The following DMD variants were observed in gnomAD, a reference collection of about 807,000 sequenced individuals.
DMD encodes the protein dystrophin, also known as mutant dystrophin.
Under a neutral mutation model 330.1 loss-of-function variants are expected in DMD, and 63 were observed. That is an observed-to-expected ratio of 0.19 (90% CI 0.16 to 0.24). DMD has a LOEUF of 0.24. Ranked by LOEUF, DMD falls within the 10% of genes least tolerant of loss-of-function variation. The pLI is 1.00. For synonymous variants in DMD, 1,223 were observed against 959.8 expected (o/e 1.27, Z -5.07); for missense variants, 3,344 against 2,684.1 (o/e 1.25, Z -5.43).
At chrX:31,772,309 A>G in intron 51 of DMD, among the ~76,000 whole-genome samples, 1 of 112,160 alleles carries the variant, frequency 8.9e-6, no homozygotes, top group Non-Finnish European at 1.9e-5. Flanking sequence ...TCAGGTAGGC[A>G]GAATAACTTA....
chrX:33,176,320 T>G (rs2148718857), intron 1 of DMD, among the ~76,000 whole-genome samples: 1 of 110,977 alleles, frequency 9.0e-6, no homozygotes, highest in South Asian at 3.8e-4. Context: ...TGAACTAATT[T>G]AGGCTGTCAA....
intron 43 of DMD, among the ~76,000 whole-genome samples, chrX:32,221,643 G>C (rs1248457406): frequency 9.0e-6 from 1 of 111,309 alleles, no homozygotes; most frequent in Non-Finnish European, 1.9e-5. Context: ...AGATATTTTA[G>C]TGCACGTGTC....
chrX:31,178,891 T>C, intron 69 of DMD, 86 bp from the exon 70 acceptor site: 1 of 1,083,231 alleles, frequency 9.2e-7, no homozygotes, highest in Non-Finnish European at 1.3e-6. Flanking sequence ...CCCATGACAC[T>C]TGTTTTGTAA....
chrX:31,163,964 C>T (rs2039140646), intron 74 of DMD, among the ~76,000 whole-genome samples: 1 of 111,966 alleles, frequency 8.9e-6, no homozygotes, highest in Non-Finnish European at 1.9e-5. Flanking sequence ...ACACAAGAAA[C>T]CAAGAAAGAT....
intron 2 of DMD, among the ~76,000 whole-genome samples, chrX:33,009,283 TATGTGTGTATATGTGTATATACAC>T (rs750454934): frequency 0.068 from 3,996 of 59,116 alleles, 985 homozygotes; most frequent in Non-Finnish European, 0.11. Context: ...CACATATGTG[TATGTGTGTATATGTGTATATACAC>T]ATGTGTGTAT....
At chrX:32,051,677 T>A (rs1444783499) in intron 44 of DMD, among the ~76,000 whole-genome samples, 1 of 110,838 alleles carries the variant, frequency 9.0e-6, no homozygotes, top group Non-Finnish European at 1.9e-5. Context: ...AAAAGTGAAC[T>A]AAGATAACTA....
intron 16 of DMD, 77 bp downstream of exon 16, chrX:32,565,625 G>T: frequency 9.7e-7 from 1 of 1,027,923 alleles, no homozygotes; most frequent in Non-Finnish European, 1.4e-6. Flanking sequence ...CTTTTGTAGG[G>T]TTATAATGTC....
intron 44 of DMD, among the ~76,000 whole-genome samples, chrX:32,085,768 AT>A (rs1452433563): frequency 9.1e-6 from 1 of 109,349 alleles, no homozygotes; most frequent in African/African-American, 3.3e-5. Flanking sequence ...ATAAATCTCT[AT>A]ATTTATCAAA....
chrX:32,360,828 A>AATAAT (rs1330229041), intron 37 of DMD, among the ~76,000 whole-genome samples: 2 of 108,513 alleles, frequency 1.8e-5, no homozygotes. Context: ...TAATAATAAT[A>AATAAT]AATGAATATT....
At chrX:31,691,709 T>C (rs2083135747) in intron 52 of DMD, among the ~76,000 whole-genome samples, 1 of 112,151 alleles carries the variant, frequency 8.9e-6, no homozygotes, top group African/African-American at 3.2e-5. Context: ...CATCATTATA[T>C]ATTGATAAAG....
At chrX:32,574,747 T>C (rs949733820) in intron 13 of DMD, among the ~76,000 whole-genome samples, 1 of 111,544 alleles carries the variant, frequency 9.0e-6, no homozygotes, top group East Asian at 2.8e-4. Context: ...AAAATGTTTA[T>C]AACTCATATT....
At chrX:33,063,473 T>C (rs1307418372) in intron 1 of DMD, among the ~76,000 whole-genome samples, 2 of 111,705 alleles carry the variant, frequency 1.8e-5, no homozygotes, top group African/African-American at 6.5e-5. Flanking sequence ...ATAATTATAA[T>C]TTTTCCTAGA....
At chrX:31,576,456 G>T (rs2076103171) in intron 55 of DMD, among the ~76,000 whole-genome samples, 1 of 107,467 alleles carries the variant, frequency 9.3e-6, no homozygotes, top group African/African-American at 3.4e-5. Flanking sequence ...TTTAAAGACA[G>T]AAAGCATCTT....
intron 44 of DMD, among the ~76,000 whole-genome samples, chrX:32,173,377 A>T (rs1444441682): frequency 9.1e-6 from 1 of 110,264 alleles, no homozygotes; most frequent in Non-Finnish European, 1.9e-5. Context: ...TATTATTATG[A>T]TTATGATTAT....
At chrX:32,356,753 CATA>C (rs745870885) in intron 37 of DMD, among the ~76,000 whole-genome samples, 47 of 111,696 alleles carry the variant, frequency 4.2e-4, no homozygotes, top group Middle Eastern at 4.7e-3. Context: ...GTAGAAATTA[CATA>C]ATATTTTGTA....
chrX:33,228,698 A>T (rs1367469270), intron 1 of DMD, among the ~76,000 whole-genome samples: 2 of 108,428 alleles, frequency 1.8e-5, no homozygotes, highest in Admixed American at 9.8e-5. Context: ...CATTTAAAAA[A>T]ATTTTTCTTC....
chrX:33,274,855 G>T (rs978814179), intron 1 of DMD, among the ~76,000 whole-genome samples: 2 of 111,071 alleles, frequency 1.8e-5, no homozygotes, highest in South Asian at 7.7e-4. Context: ...TTTTCCAAAC[G>T]TTTATAACAA....
chrX:31,540,503 A>C (rs777803157), intron 55 of DMD, among the ~76,000 whole-genome samples: 5 of 112,200 alleles, frequency 4.5e-5, no homozygotes, highest in Non-Finnish European at 9.4e-5. Context: ...TCTCTCACCT[A>C]ATCTCTAAAC....
intron 63 of DMD, among the ~76,000 whole-genome samples, chrX:31,233,061 T>G (rs772906939): frequency 8.9e-6 from 1 of 112,106 alleles, no homozygotes; most frequent in African/African-American, 3.2e-5. Flanking sequence ...TTCTTCATGC[T>G]GCAGTTACAA....
Sources: gnomAD v4.1 joint callset for allele counts (sites outside exome capture counted in the v4.1 genomes callset) on GRCh38, gnomAD v4.1.1 for gene constraint, MANE v1.5 for transcripts, NCBI Gene and HGNC (gene_info 2026-07-23, HGNC 2026-07-21) for gene names.